Variants in OSBP2 observed in about 807,000 individuals in gnomAD.
OSBP2 encodes oxysterol-binding protein 2.
A neutral mutation model predicts 96.0 loss-of-function variants in OSBP2; 66 were observed. That is an observed-to-expected ratio of 0.69 (90% CI 0.56 to 0.84). The LOEUF is 0.84. OSBP2 is among the 40% of genes least tolerant of loss of function. The pLI is 0.00. For synonymous variants in OSBP2, 525 were observed against 520.9 expected, an observed-to-expected ratio of 1.01 and a Z score of -0.11; for missense variants, 1,038 against 1,222.7, an observed-to-expected ratio of 0.85 and a Z score of 2.25.
At chr22:30,738,300 A>C (rs2089885668) in intron 1 of OSBP2, among the ~76,000 whole-genome samples, 1 of 151,900 alleles carries the variant, frequency 6.6e-6, no homozygotes, top group Non-Finnish European at 1.5e-5. Context: ...CTAAGCCATA[A>C]TGTCATTTTT....
intron 1 of OSBP2, among the ~76,000 whole-genome samples, chr22:30,698,194 C>T (rs2089086499): frequency 6.6e-6 from 1 of 152,118 alleles, no homozygotes; most frequent in African/African-American, 2.4e-5. Flanking sequence ...CTCCTCCAGC[C>T]CTCTCCAGAC....
intron 2 of OSBP2, among the ~76,000 whole-genome samples, chr22:30,799,057 T>TTTCCCTCC (rs1555914158): frequency 8.3e-6 from 1 of 120,258 alleles, no homozygotes; most frequent in Non-Finnish European, 1.7e-5. Flanking sequence ...CATGCAAAGG[T>TTTCCCTCC]TTCCTTCCTT....
chr22:30,900,145 T>C (rs1448335654), intron 12 of OSBP2, among the ~76,000 whole-genome samples: 1 of 152,030 alleles, frequency 6.6e-6, no homozygotes, highest in Non-Finnish European at 1.5e-5. Flanking sequence ...TCCCAGCTAC[T>C]TTGGAGGCTG....
At chr22:30,841,673 T>C (rs1326791866) in intron 2 of OSBP2, among the ~76,000 whole-genome samples, 1 of 152,220 alleles carries the variant, frequency 6.6e-6, no homozygotes, top group Non-Finnish European at 1.5e-5. Context: ...TAGCATTATG[T>C]CTAAAAAACA....
intron 2 of OSBP2, among the ~76,000 whole-genome samples, chr22:30,787,394 C>T (rs2090606881): frequency 1.3e-5 from 2 of 151,652 alleles, no homozygotes; most frequent in South Asian, 4.2e-4. Flanking sequence ...TGGTCGGGGC[C>T]GGATGCGGTG....
chr22:30,707,121 G>A (rs560665913), intron 1 of OSBP2, among the ~76,000 whole-genome samples: 2 of 151,646 alleles, frequency 1.3e-5, no homozygotes, highest in Non-Finnish European at 2.9e-5. Context: ...TTTTTGAGAC[G>A]GAGTCTAGCT....
chr22:30,829,953 T>C (rs1052153664), intron 2 of OSBP2, among the ~76,000 whole-genome samples: 6 of 152,242 alleles, frequency 3.9e-5, no homozygotes, highest in African/African-American at 1.4e-4. Flanking sequence ...CTTGGGAGAC[T>C]TCAGTGAAAA....
intron 1 of OSBP2, among the ~76,000 whole-genome samples, chr22:30,735,597 C>T (rs2089840966): frequency 6.6e-6 from 1 of 150,762 alleles, no homozygotes; most frequent in Non-Finnish European, 1.5e-5. Context: ...AGGCGTGAGC[C>T]ACTGCTCCCC....
chr22:30,807,673 C>G (rs1275739785), intron 2 of OSBP2, among the ~76,000 whole-genome samples: 1 of 152,224 alleles, frequency 6.6e-6, no homozygotes, highest in Admixed American at 6.5e-5. Flanking sequence ...ACCTCCAGCT[C>G]TAGAGCTGCC....
chr22:30,833,554 G>A (rs2038574016), intron 2 of OSBP2, among the ~76,000 whole-genome samples: 1 of 152,168 alleles, frequency 6.6e-6, no homozygotes, highest in Admixed American at 6.5e-5. Flanking sequence ...AGGTGTGGCA[G>A]CTGAGACATT....
At position 30,795,867 on chromosome 22, in the gene OSBP2, A is replaced by G. The variant is rs143326270; in HGVS notation, c.853+54498A>G. Among the ~76,000 whole-genome samples the G allele has an allele frequency of 6.8e-3, 1,035 of 152,294 alleles. 9 individuals carry two copies. The highest frequency in any genetic ancestry group is 0.023 in the African/African-American group (970 of 41,572). ...TATGTTTTTAAATCTTGGAATGTCTATTTGATTATTTGTATAGATTTCCAA... is the reference window on the plus strand; with the variant it reads ...TATGTTTTTAAATCTTGGAATGTCTGTTTGATTATTTGTATAGATTTCCAA... On this transcript the variant is annotated intron_variant, in intron 2 of 13. Coordinates refer to ENST00000332585, the MANE Select transcript of OSBP2 (RefSeq NM_030758.4).
chr22:30,880,673 G>T (rs1010178482), intron 3 of OSBP2, among the ~76,000 whole-genome samples: 4 of 152,206 alleles, frequency 2.6e-5, no homozygotes, highest in Non-Finnish European at 2.9e-5. Flanking sequence ...GGGGACCCAG[G>T]CTAGCTGACC....
At position 30,905,979 on chromosome 22, in the gene OSBP2, G is replaced by A. The variant is rs1303186831; in HGVS notation, c.2518G>A (p.Glu840Lys). 7 of 1,604,744 alleles carry A rather than the reference G, an allele frequency of 4.4e-6. No individual in the cohort carries two copies. The highest frequency in any genetic ancestry group is 2.2e-5 in the South Asian group (2 of 90,164). ...EKGRWDEANT[E>K]KQRLEEKQRL... The stretch of plus-strand genomic sequence containing the variant: ...GGGCCGTTGGGACGAGGCCAATACC[G>A]AGAAGCAGCGGCTGGAGGAGAAGCA... Residue 840 changes from glutamate (E) to lysine (K), a missense_variant, in exon 13 of 14, where the codon GAG becomes AAG. Glu to Lys is a moderately conservative substitution (Grantham distance 56). Around this residue, in one of 3 missense-constraint regions of OSBP2, gnomAD observed 737 missense variants for 913.3 expected, o/e 0.81. Transcript: ENST00000332585.
chr22:30,788,176 A>G (rs1020266380), intron 2 of OSBP2, among the ~76,000 whole-genome samples: 1 of 152,140 alleles, frequency 6.6e-6, no homozygotes, highest in Admixed American at 6.6e-5. Context: ...TGGCCTCAGT[A>G]CAAGTGACAG....
chr22:30,719,782 C>T (rs1241694735), intron 1 of OSBP2, among the ~76,000 whole-genome samples: 1 of 150,110 alleles, frequency 6.7e-6, no homozygotes, highest in Non-Finnish European at 1.5e-5. Flanking sequence ...AAAAAAGTCA[C>T]TGAGCCAGAG....
chr22:30,700,093 G>T (rs1395987367), intron 1 of OSBP2, among the ~76,000 whole-genome samples: 1 of 151,666 alleles, frequency 6.6e-6, no homozygotes, highest in Non-Finnish European at 1.5e-5. Context: ...CTCCCGAGTA[G>T]CTGGGATTAC....
intron 3 of OSBP2, among the ~76,000 whole-genome samples, chr22:30,878,236 A>G (rs1018503793): frequency 6.6e-6 from 1 of 152,260 alleles, no homozygotes; most frequent in African/African-American, 2.4e-5. Context: ...CTCAAGGCCA[A>G]ATAAAATGAT....
intron 12 of OSBP2, among the ~76,000 whole-genome samples, chr22:30,904,870 T>C (rs1399694236): frequency 2.0e-5 from 3 of 152,174 alleles, no homozygotes; most frequent in Non-Finnish European, 2.9e-5. Flanking sequence ...GCACAGTAGC[T>C]GATGCCTGTA....
chr22:30,759,246 G>C (rs2090178423), intron 2 of OSBP2, among the ~76,000 whole-genome samples: 1 of 152,160 alleles, frequency 6.6e-6, no homozygotes. Context: ...TACTCGGGAG[G>C]CTGAGGCAGG....
Sources: gnomAD v4.1 joint callset for allele counts (sites outside exome capture counted in the v4.1 genomes callset) on GRCh38, gnomAD v4.1.1 for gene constraint, gnomAD v4.1.1 regional missense constraint, MANE v1.5 for transcripts, NCBI Gene and HGNC (gene_info 2026-07-23, HGNC 2026-07-21) for gene names.